Variants in ADGRL4 observed in about 807,000 individuals in gnomAD.
ADGRL4 encodes adhesion G protein-coupled receptor L4.
A neutral mutation model predicts 74.8 loss-of-function variants in ADGRL4; 90 were observed. The observed-to-expected ratio is 1.20, with a 90% CI of 1.02 to 1.43. The LOEUF is 1.43. Among genes scored for constraint, ADGRL4 ranks in the 40% most tolerant of loss-of-function variants. ADGRL4 has a pLI of 0.00. For synonymous variants in ADGRL4, 311 were observed against 279.2 expected, an observed-to-expected ratio of 1.11 and a Z score of -1.14; for missense variants, 881 against 814.3, an observed-to-expected ratio of 1.08 and a Z score of -1.00.
rs532546452 is a variant in ADGRL4, at chr1:78,941,572, T to A, written c.326-2314A>T. 2.1e-4 allele frequency among the ~76,000 whole-genome samples: 32 copies of A among 152,060 alleles called. No homozygotes were observed. The South Asian group carries it at 3.9e-3, about 19-fold the overall frequency. On this transcript the variant is annotated intron_variant, in intron 3 of 14. Transcript: ENST00000370742. ...CAATTTCAATCCCCCCTTTTTTTTT[T>A]AAATGTGCAACAGTCTTAGAAACTT... is the stretch of plus-strand genomic sequence containing the variant.
Position 78,890,146 on chromosome 1 carries a change from T to C in ADGRL4, c.*1008A>G, listed in dbSNP as rs1220607286. 6.5e-6 allele frequency: 1 copy of C among 153,946 alleles called. No individual in the cohort carries two copies. Among genetic ancestry groups the C allele is most frequent in the East Asian group, 1.9e-4 (1 of 5,236 alleles). 9.5% of individuals were successfully genotyped at this position (153,946 alleles called of 1,614,324 possible). On this transcript the variant is annotated 3_prime_UTR_variant, in exon 15 of 15. Transcript: ENST00000370742. ...TGAACAGAAAAAATAGCAATTCACT[T>C]TATAAATACTTTCATATTTACAATA...
rs769434403 is a variant in ADGRL4, at chr1:78,937,832, C to T, written c.735G>A (p.Glu245=). The T allele has an allele frequency of 6.2e-7, 1 of 1,611,234 alleles. No homozygotes were observed. The highest frequency in any genetic ancestry group is 8.5e-7 in the Non-Finnish European group (1 of 1,179,252). ...RISQSFQKTT[E]FDTNSTDIAL... The stretch of plus-strand genomic sequence containing the variant: ...CTATATCCGTTGAATTTGTATCAAA[C>T]TCTGTGGTCTTTTGGAAGCTCTGGG... Residue 245 remains glutamate (E), a synonymous_variant, in exon 6 of 15, where the codon GAG becomes GAA. Transcript: ENST00000370742.
intron 12 of ADGRL4, among the ~76,000 whole-genome samples, chr1:78,903,262 A>G (rs1401044084): frequency 6.6e-6 from 1 of 152,158 alleles, no homozygotes; most frequent in Non-Finnish European, 1.5e-5. Flanking sequence ...TTTAGTTTTA[A>G]TAAAGTAATC....
At chr1:78,910,808 C>A (rs1648746409) in intron 12 of ADGRL4, among the ~76,000 whole-genome samples, 1 of 151,714 alleles carries the variant, frequency 6.6e-6, no homozygotes, top group South Asian at 2.1e-4. Flanking sequence ...CAAGTACAGT[C>A]ACAATCTTAA....
At chr1:78,957,986 A>G (rs1570254112) in intron 2 of ADGRL4, among the ~76,000 whole-genome samples, 1 of 152,176 alleles carries the variant, frequency 6.6e-6, no homozygotes, top group East Asian at 1.9e-4. Flanking sequence ...CTTTAGAATT[A>G]TGCTAAATCT....
At position 78,946,332 on chromosome 1, in the gene ADGRL4, G is replaced by A; in HGVS notation, c.267C>T (p.Gly89=). The stretch of plus-strand genomic sequence containing the variant: ...TGTCTTGGTTACTGCTGGATCTGAA[G>A]CCAGGTACACACATACAATAATAAC... ...EGSYYCMCVP[G]FRSSSNQDRF... Residue 89 remains glycine, a synonymous_variant, in exon 3 of 15, where the codon GGC becomes GGT. Coordinates refer to ENST00000370742, the MANE Select transcript of ADGRL4 (RefSeq NM_022159.4). 2.5e-6 allele frequency: 4 copies of A among 1,613,166 alleles called. No individual in the cohort carries two copies. Among genetic ancestry groups the A allele is most frequent in the East Asian group, 2.2e-5 (1 of 44,784 alleles).
At chr1:78,946,561 T>A (rs1557508270) in intron 2 of ADGRL4, 135 bp from the exon 3 acceptor site, 1 of 663,522 alleles carries the variant, frequency 1.5e-6, no homozygotes, top group Non-Finnish European at 2.4e-6. Flanking sequence ...ACCTTAGTGC[T>A]AAAGAATCCA....
intron 12 of ADGRL4, among the ~76,000 whole-genome samples, chr1:78,908,754 TAACCAGTTATTTCC>T (rs1172149074): frequency 3.3e-5 from 5 of 152,112 alleles, no homozygotes; most frequent in Non-Finnish European, 7.4e-5. Flanking sequence ...AATCTCATCT[TAACCAGTTATTTCC>T]AACTGGGCTT....
rs543020463 is a variant in ADGRL4, at chr1:78,966,381, G to A, written c.173-19955C>T. Reference sequence around the variant, plus strand: ...AGTGTCTGCAAACTTAATATCTCATGATCATGTGACCAGGACCTGGCTCTT... The same window carrying A: ...AGTGTCTGCAAACTTAATATCTCATAATCATGTGACCAGGACCTGGCTCTT... On this transcript the variant is annotated intron_variant, in intron 2 of 14. Transcript: ENST00000370742. 1.4e-4 allele frequency among the ~76,000 whole-genome samples: 21 copies of A among 152,260 alleles called. 1 individual carries two copies. The South Asian group carries it at 4.3e-3, about 32-fold the overall frequency.
intron 2 of ADGRL4, among the ~76,000 whole-genome samples, chr1:78,999,960 A>ATT (rs11429771): frequency 1.3e-4 from 19 of 151,866 alleles, no homozygotes; most frequent in African/African-American, 1.9e-4. Context: ...CCCAGAAGGC[A>ATT]TTTTTTTGTG....
intron 2 of ADGRL4, among the ~76,000 whole-genome samples, chr1:78,982,501 G>T (rs949014555): frequency 6.6e-6 from 1 of 151,864 alleles, no homozygotes; most frequent in African/African-American, 2.4e-5. Context: ...ATGTCATCAA[G>T]GTTATTTCCT....
At chr1:78,908,862 G>A (rs567057640) in intron 12 of ADGRL4, among the ~76,000 whole-genome samples, 1 of 151,978 alleles carries the variant, frequency 6.6e-6, no homozygotes, top group South Asian at 2.1e-4. Flanking sequence ...TTTCTACTAT[G>A]TGTCTTAAGG....
intron 2 of ADGRL4, among the ~76,000 whole-genome samples, chr1:78,977,116 T>A (rs553908483): frequency 2.0e-5 from 3 of 151,644 alleles, no homozygotes; most frequent in Non-Finnish European, 3.0e-5. Context: ...AAATTATGCT[T>A]ACACCCTTGA....
At chr1:78,982,697 C>A (rs1307687570) in intron 2 of ADGRL4, among the ~76,000 whole-genome samples, 2 of 151,870 alleles carry the variant, frequency 1.3e-5, no homozygotes, top group South Asian at 4.1e-4. Context: ...AATAAATGTA[C>A]TCTTAGAAGA....
At chr1:79,002,453 T>C (rs1650863517) in intron 2 of ADGRL4, among the ~76,000 whole-genome samples, 1 of 152,110 alleles carries the variant, frequency 6.6e-6, no homozygotes, top group African/African-American at 2.4e-5. Context: ...GCCAGATATA[T>C]ATCAGAGGGC....
intron 2 of ADGRL4, among the ~76,000 whole-genome samples, chr1:78,996,123 T>A (rs1650707025): frequency 6.6e-6 from 1 of 152,170 alleles, no homozygotes; most frequent in East Asian, 1.9e-4. Flanking sequence ...GATAAAGTAG[T>A]GGTTAAATGA....
At chr1:78,901,067 G>A (rs1239628173) in intron 12 of ADGRL4, among the ~76,000 whole-genome samples, 1 of 151,888 alleles carries the variant, frequency 6.6e-6, no homozygotes, top group Non-Finnish European at 1.5e-5. Flanking sequence ...CTTCACATAG[G>A]ATTGCCAGAT....
chr1:78,981,790 T>C (rs1192315966), intron 2 of ADGRL4, among the ~76,000 whole-genome samples: 3 of 151,888 alleles, frequency 2.0e-5, no homozygotes, highest in Non-Finnish European at 2.9e-5. Context: ...GAATTAAGTA[T>C]AAATATTAAT....
chr1:78,952,927 C>T (rs1649759121), intron 2 of ADGRL4, among the ~76,000 whole-genome samples: 1 of 152,018 alleles, frequency 6.6e-6, no homozygotes, highest in Non-Finnish European at 1.5e-5. Context: ...ACAAACAATA[C>T]TTGTATAGAA....
Sources: gnomAD v4.1 joint callset for allele counts (sites outside exome capture counted in the v4.1 genomes callset) on GRCh38, gnomAD v4.1.1 for gene constraint, MANE v1.5 for transcripts, NCBI Gene and HGNC (gene_info 2026-07-23, HGNC 2026-07-21) for gene names.